Variants in TMC3 observed in about 807,000 individuals in gnomAD.
TMC3 encodes the protein transmembrane channel-like protein 3.
A neutral mutation model predicts 110.6 loss-of-function variants in TMC3; 98 were observed. The ratio of observed to expected loss-of-function variants is 0.89; its 90% CI spans 0.75 to 1.05. TMC3 has a LOEUF of 1.05. TMC3 is among the 50% of genes least tolerant of loss of function. The pLI is 0.00. For missense variants in TMC3, 1,319 were observed against 1,373.2 expected (o/e 0.96, Z 0.62); for synonymous variants, 489 against 513.1 (o/e 0.95, Z 0.63).
intron 21 of TMC3, 75 bp from the exon 22 acceptor site, chr15:81,333,337 G>A: frequency 1.3e-6 from 2 of 1,527,264 alleles, no homozygotes; most frequent in Non-Finnish European, 8.8e-7. Flanking sequence ...TGTGAGCTGT[G>A]AGCAGTTCTC....
Position 81,356,440 on chromosome 15 carries a change from C to T in TMC3, c.891+7G>A. ...CCCCCGCAGGCTGCACAGGCTCACT[C>T]ACTCACCCTGATGCTGTTCACTATG... is the stretch of plus-strand genomic sequence containing the variant. On this transcript the variant is annotated splice_region_variant and intron_variant, in intron 8 of 21. Coordinates refer to ENST00000359440, the MANE Select transcript of TMC3 (RefSeq NM_001080532.3). The T allele has an allele frequency of 6.4e-7, 1 of 1,563,062 alleles. No individual in the cohort carries two copies. Among genetic ancestry groups the T allele is most frequent in the Non-Finnish European group, 8.7e-7 (1 of 1,153,712 alleles).
chr15:81,343,598 G>A (rs1893758144), intron 14 of TMC3, among the ~76,000 whole-genome samples: 1 of 151,962 alleles, frequency 6.6e-6, no homozygotes, highest in Non-Finnish European at 1.5e-5. Flanking sequence ...AGGTCAGCCT[G>A]GGCAACATAG....
chr15:81,372,845 T>A lies in TMC3; in HGVS notation c.90-108A>T. The A allele has an allele frequency of 1.8e-6, 2 of 1,111,770 alleles. 1 individual carries two copies. Among genetic ancestry groups the A allele is most frequent in the Non-Finnish European group, 2.6e-6 (2 of 774,332 alleles). The allele number at this position is 1,111,770 out of a possible 1,614,324, so 68.9% of individuals were successfully genotyped here. A position where few individuals can be genotyped will look rare whatever the true frequency, so the allele number is the denominator to read the frequency against. On this transcript the variant is annotated intron_variant, in intron 1 of 21. Coordinates refer to ENST00000359440, the MANE Select transcript of TMC3 (RefSeq NM_001080532.3). The stretch of plus-strand genomic sequence containing the variant: ...AGCATCTCACTGCCCTAGGGTCATC[T>A]GTATGAAATGTGTATGTGTTTGTGC...
chr15:81,362,626 A>G (rs763371052), intron 3 of TMC3, among the ~76,000 whole-genome samples: 1 of 152,206 alleles, frequency 6.6e-6, no homozygotes. Context: ...TAGCCATCCC[A>G]TTCCTGATGA....
chr15:81,334,437 TAA>T (rs1893545099), intron 21 of TMC3, among the ~76,000 whole-genome samples: 1 of 152,172 alleles, frequency 6.6e-6, no homozygotes, highest in African/African-American at 2.4e-5. Flanking sequence ...AACTAAAAAA[TAA>T]ACAGTTATTT....
chr15:81,349,606 G>A, intron 10 of TMC3, 39 bp from the exon 11 acceptor site: 2 of 1,281,550 alleles, frequency 1.6e-6, no homozygotes, highest in Non-Finnish European at 2.1e-6. Context: ...ACATTCCCAG[G>A]ACCCCCCACC....
chr15:81,355,816 T>A (rs373784274), intron 8 of TMC3, 48 bp from the exon 9 acceptor site: 21 of 1,215,222 alleles, frequency 1.7e-5, no homozygotes, highest in African/African-American at 3.0e-5. Flanking sequence ...TCATCATTAA[T>A]TATAAATCAT....
intron 14 of TMC3, among the ~76,000 whole-genome samples, chr15:81,343,682 C>T (rs1293581890): frequency 2.0e-5 from 3 of 150,996 alleles, no homozygotes; most frequent in South Asian, 2.1e-4. Flanking sequence ...CCCAGCTACT[C>T]GGGAGGCTGA....
chr15:81,360,659 C>T (rs955403899), intron 4 of TMC3, among the ~76,000 whole-genome samples: 8 of 150,454 alleles, frequency 5.3e-5, no homozygotes, highest in Non-Finnish European at 9.0e-5. Context: ...CTTAGCTGCA[C>T]CCTAGCTGAG....
At chr15:81,338,082 T>C (rs887268996) in intron 18 of TMC3, among the ~76,000 whole-genome samples, 158 bp from the exon 19 acceptor site, 7 of 152,084 alleles carry the variant, frequency 4.6e-5, no homozygotes, top group Non-Finnish European at 8.8e-5. Context: ...ATCAGCAAGT[T>C]CTCAAGCCAG....
chr15:81,368,223 G>A (rs777436390), intron 3 of TMC3, 30 bp downstream of exon 3: 47 of 1,580,226 alleles, frequency 3.0e-5, no homozygotes, highest in Non-Finnish European at 3.4e-5. Flanking sequence ...GTGAGCCACC[G>A]CGCCCAGCCA....
intron 13 of TMC3, among the ~76,000 whole-genome samples, 181 bp from the exon 14 acceptor site, chr15:81,344,226 T>A (rs1893777206): frequency 6.6e-6 from 1 of 152,348 alleles, no homozygotes; most frequent in South Asian, 2.1e-4. Flanking sequence ...TTCTGGTACA[T>A]AATGGGTGTT....
In TMC3 at chr15:81,332,712, G is replaced by C. The variant is rs774482650; in HGVS notation, c.3010C>G (p.Leu1004Val). 6.2e-7 allele frequency: 1 copy of C among 1,613,924 alleles called. No homozygotes were observed. Among genetic ancestry groups the C allele is most frequent in the South Asian group, 1.1e-5 (1 of 91,078 alleles). Reference protein sequence around the residue: ...KSWNEDFEGHLERPAYVPRKP... With the variant: ...KSWNEDFEGHVERPAYVPRKP... ...CTGGGCACATAGGCTGGCCTCTCAA[G>C]GTGACCCTCAAAATCTTCATTCCAC... Residue 1004 changes from leucine to valine, a missense_variant, in exon 22 of 22, where the codon CTT (leucine) becomes GTT (valine). By Grantham distance (32) the Leu-to-Val change is conservative (BLOSUM62 1). Transcript: ENST00000359440.
Position 81,345,016 on chromosome 15 carries a change from G to GGA in TMC3, c.1273-7_1273-6dup, listed in dbSNP as rs147678536. 0.016 allele frequency: 21,544 copies of GGA among 1,362,320 alleles called. 90 individuals are homozygous for GGA. Among genetic ancestry groups the GGA allele is most frequent in the Middle Eastern group, 0.051 (281 of 5,468 alleles). The allele number at this position is 1,362,320 out of a possible 1,614,324, so 84.4% of individuals were successfully genotyped here. The stretch of plus-strand genomic sequence containing the variant: ...GTTATTTTTGGTAGCCATTTCCTGG[G>GGA]GAGAGAGAGAGAGAGAGAGAGGGAA... On this transcript the variant is annotated splice_region_variant and splice_polypyrimidine_tract_variant and intron_variant, in intron 12 of 21. Transcript: ENST00000359440.
At chr15:81,364,549 G>A (rs1326601228) in intron 3 of TMC3, among the ~76,000 whole-genome samples, 2 of 125,516 alleles carry the variant, frequency 1.6e-5, no homozygotes, top group East Asian at 2.7e-4. Flanking sequence ...GGGGGAGGGG[G>A]GAGGGATAGC....
chr15:81,371,300 C>T (rs1191531954), intron 2 of TMC3, among the ~76,000 whole-genome samples: 1 of 152,204 alleles, frequency 6.6e-6, no homozygotes, highest in Non-Finnish European at 1.5e-5. Context: ...AGCTATCTTT[C>T]ACAGTCACCT....
intron 20 of TMC3, 133 bp downstream of exon 20, chr15:81,336,476 G>C (rs1893597417): frequency 1.3e-6 from 1 of 786,496 alleles, no homozygotes; most frequent in East Asian, 2.6e-5. Context: ...GCTGAGGCAG[G>C]AGAATCACTT....
chr15:81,339,352 C>T lies in TMC3; in HGVS notation c.1955+42G>A, dbSNP rs79752342. On this transcript the variant is annotated intron_variant, in intron 17 of 21. Transcript: ENST00000359440. Reference sequence around the variant, plus strand: ...AGTTCAATATGATCTAATTCCCTTACAGCTGTCAGTCACTCCGGGCAGAGC... The same window carrying T: ...AGTTCAATATGATCTAATTCCCTTATAGCTGTCAGTCACTCCGGGCAGAGC... 1,262 of 1,400,200 alleles carry T rather than the reference C, an allele frequency of 9.0e-4. 11 individuals are homozygous for T. In the African/African-American group the frequency reaches 0.016, roughly 18 times the overall value. 86.7% of individuals were successfully genotyped at this position (1,400,200 alleles called of 1,614,324 possible).
At chr15:81,343,815 G>C in intron 14 of TMC3, 102 bp downstream of exon 14, 1 of 1,289,552 alleles carries the variant, frequency 7.8e-7, no homozygotes, top group African/African-American at 1.5e-5. Context: ...TTCTCTTTCC[G>C]TGTGTCCCCC....
Sources: allele counts gnomAD v4.1 joint callset (sites outside exome capture counted in the v4.1 genomes callset), GRCh38; gene constraint gnomAD v4.1.1; transcripts MANE v1.5; gene names NCBI Gene and HGNC (gene_info 2026-07-23, HGNC 2026-07-21).